PHLPP1: variants seen among roughly 807,000 people sequenced by gnomAD.
The protein encoded by PHLPP1 is PH domain and leucine rich repeat protein phosphatase 1.
In PHLPP1, 42 loss-of-function variants were observed where a neutral mutation model predicts 117.2. The ratio of observed to expected loss-of-function variants is 0.36; its 90% CI spans 0.28 to 0.46. PHLPP1 has a LOEUF of 0.46. PHLPP1 is among the 20% of genes least tolerant of loss of function. The pLI is 1.00. For synonymous variants in PHLPP1, 1,042 were observed against 970.7 expected, an observed-to-expected ratio of 1.07 and a Z score of -1.37; for missense variants, 2,084 against 2,241.9, an observed-to-expected ratio of 0.93 and a Z score of 1.42.
chr18:62,929,539 A>G (rs939125787), intron 10 of PHLPP1, among the ~76,000 whole-genome samples: 1 of 152,196 alleles, frequency 6.6e-6, no homozygotes, highest in African/African-American at 2.4e-5. Context: ...TAACTAGTAT[A>G]TTTTAGCAAA....
In PHLPP1 at chr18:62,770,974, T is replaced by G. The variant is rs190628409; in HGVS notation, c.1576+53715T>G. On this transcript the variant is annotated intron_variant, in intron 1 of 16. Transcript: ENST00000262719. ...TGGCTCACGCCTGTAATCCCAACAC[T>G]TTGGGAGGCCGAGGTGGGTGGATCA... Among the ~76,000 whole-genome samples the G allele has an allele frequency of 8.5e-5, 13 of 152,164 alleles. No individual in the cohort carries two copies. The East Asian group carries it at 2.5e-3, about 29-fold the overall frequency.
intron 1 of PHLPP1, among the ~76,000 whole-genome samples, chr18:62,768,757 T>C (rs1004724633): frequency 1.3e-5 from 2 of 152,136 alleles, no homozygotes; most frequent in East Asian, 3.8e-4. Context: ...GGAGAAATTA[T>C]ATGATTACCT....
chr18:62,950,781 G>A (rs905120717), intron 12 of PHLPP1, among the ~76,000 whole-genome samples: 13 of 152,130 alleles, frequency 8.5e-5, no homozygotes, highest in Non-Finnish European at 1.5e-4. Context: ...TTTTCCAACC[G>A]TTGCGGAATC....
chr18:62,950,006 AC>A (rs1204676953), intron 12 of PHLPP1, among the ~76,000 whole-genome samples: 1 of 152,202 alleles, frequency 6.6e-6, no homozygotes, highest in Non-Finnish European at 1.5e-5. Context: ...GTTCTCTGTC[AC>A]CCAGGCTGGA....
chr18:62,949,337 C>T (rs1910387457), intron 12 of PHLPP1, among the ~76,000 whole-genome samples: 1 of 152,190 alleles, frequency 6.6e-6, no homozygotes, highest in African/African-American at 2.4e-5. Flanking sequence ...AATCTCCGTA[C>T]TGAGATGTAT....
At chr18:62,825,613 AC>A (rs1334994345) in intron 1 of PHLPP1, 1 of 151,458 alleles carries the variant, frequency 6.6e-6, no homozygotes, top group Non-Finnish European at 1.5e-5. Context: ...GGTGCCTGCC[AC>A]CACTCCCAGC....
At chr18:62,934,443 CTG>C (rs1267571531) in intron 10 of PHLPP1, among the ~76,000 whole-genome samples, 2 of 152,148 alleles carry the variant, frequency 1.3e-5, no homozygotes, top group African/African-American at 4.8e-5. Context: ...CAGCTGGAGA[CTG>C]TTATCCTCAG....
At chr18:62,954,454 C>T (rs1181446713) in intron 12 of PHLPP1, among the ~76,000 whole-genome samples, 2 of 152,046 alleles carry the variant, frequency 1.3e-5, no homozygotes, top group African/African-American at 4.8e-5. Flanking sequence ...TAGTGGTAAC[C>T]ATTATGATTC....
intron 1 of PHLPP1, among the ~76,000 whole-genome samples, chr18:62,796,961 C>T (rs1053717351): frequency 9.2e-5 from 14 of 152,152 alleles, no homozygotes; most frequent in African/African-American, 3.4e-4. Context: ...GCAATTCAAG[C>T]CCAGATTGCC....
intron 4 of PHLPP1, among the ~76,000 whole-genome samples, chr18:62,871,488 C>T (rs942871178): frequency 1.1e-4 from 17 of 151,600 alleles, no homozygotes; most frequent in South Asian, 4.2e-4. Context: ...CCACCACACC[C>T]GGGCTAATTT....
chr18:62,913,739 C>CTCT (rs770130890), intron 8 of PHLPP1, among the ~76,000 whole-genome samples: 21 of 100,742 alleles, frequency 2.1e-4, no homozygotes, highest in African/African-American at 7.6e-4. Flanking sequence ...CTCTCTCTCT[C>CTCT]TTTTTTTTTT....
At chr18:62,946,946 G>A (rs1308752169) in intron 12 of PHLPP1, among the ~76,000 whole-genome samples, 3 of 152,258 alleles carry the variant, frequency 2.0e-5, no homozygotes, top group African/African-American at 4.8e-5. Flanking sequence ...CCAGCTACTC[G>A]GGAGGCTGAG....
At chr18:62,931,515 A>T (rs1304603120) in intron 10 of PHLPP1, among the ~76,000 whole-genome samples, 2 of 151,374 alleles carry the variant, frequency 1.3e-5, no homozygotes, top group Admixed American at 1.3e-4. Flanking sequence ...TGAAATTGAG[A>T]CCAAAAAAAA....
At chr18:62,967,241 A>C (rs1209838631) in intron 14 of PHLPP1, among the ~76,000 whole-genome samples, 1 of 152,160 alleles carries the variant, frequency 6.6e-6, no homozygotes, top group African/African-American at 2.4e-5. Context: ...GCTTGTTTTC[A>C]TTTCTCTTGG....
chr18:62,753,017 GT>G (rs1316370574), intron 1 of PHLPP1, among the ~76,000 whole-genome samples: 1 of 152,150 alleles, frequency 6.6e-6, no homozygotes, highest in Non-Finnish European at 1.5e-5. Context: ...AAAAATAGCT[GT>G]TTAAGGGTTA....
intron 2 of PHLPP1, among the ~76,000 whole-genome samples, chr18:62,833,130 G>A (rs755922971): frequency 7.9e-5 from 12 of 152,138 alleles, no homozygotes; most frequent in Non-Finnish European, 1.8e-4. Context: ...CTGGAGTGCA[G>A]TGGTGCGATC....
intron 1 of PHLPP1, among the ~76,000 whole-genome samples, chr18:62,752,370 T>C (rs1029743120): frequency 1.3e-5 from 2 of 152,246 alleles, no homozygotes; most frequent in African/African-American, 4.8e-5. Flanking sequence ...AACAGGAAGA[T>C]AAAGAGGCTA....
intron 3 of PHLPP1, among the ~76,000 whole-genome samples, chr18:62,855,858 G>A (rs751828152): frequency 1.3e-5 from 2 of 152,148 alleles, no homozygotes; most frequent in African/African-American, 4.8e-5. Flanking sequence ...TGCAGAGGCC[G>A]CCTGGTGAGA....
intron 4 of PHLPP1, among the ~76,000 whole-genome samples, chr18:62,893,257 C>A (rs1380049386): frequency 6.6e-6 from 1 of 152,092 alleles, no homozygotes; most frequent in African/African-American, 2.4e-5. Flanking sequence ...GTTGGCCAGG[C>A]TGGTCTTGAA....
Sources: allele counts gnomAD v4.1 joint callset (sites outside exome capture counted in the v4.1 genomes callset), GRCh38; gene constraint gnomAD v4.1.1; transcripts MANE v1.5; gene names NCBI Gene and HGNC (gene_info 2026-07-23, HGNC 2026-07-21).